INTS14: variants seen among roughly 807,000 people sequenced by gnomAD.
INTS14 encodes the protein UPF0464 protein C15orf44.
A neutral mutation model predicts 56.9 loss-of-function variants in INTS14; 27 were observed. The ratio of observed to expected loss-of-function variants is 0.47; its 90% CI spans 0.35 to 0.65. The LOEUF (loss-of-function observed/expected upper bound fraction) is 0.65. Ranked by LOEUF, INTS14 falls within the 30% of genes least tolerant of loss-of-function variation. The pLI is 0.00. For missense variants in INTS14, 517 were observed against 632.2 expected (o/e 0.82, Z 1.95); for synonymous variants, 207 against 236.2 (o/e 0.88, Z 1.13).
chr15:65,582,935 GA>G (rs1388746726), intron 10 of INTS14, among the ~76,000 whole-genome samples: 1 of 151,988 alleles, frequency 6.6e-6, no homozygotes, highest in Non-Finnish European at 1.5e-5. Flanking sequence ...ATAAGCACAG[GA>G]AAAGATGCAC....
At chr15:65,579,773 T>C in intron 11 of INTS14, 114 bp from the exon 12 acceptor site, 1 of 1,412,662 alleles carries the variant, frequency 7.1e-7, no homozygotes, top group East Asian at 2.5e-5. Context: ...AGCAATTTTA[T>C]ATGAGAACAA....
rs576585502 is a variant in INTS14, at chr15:65,598,050, C to T, written c.748+271G>A. 9.2e-5 allele frequency among the ~76,000 whole-genome samples: 14 copies of T among 152,232 alleles called. No homozygotes were observed. The South Asian group carries it at 2.1e-3, about 23-fold the overall frequency. On this transcript the variant is annotated intron_variant, in intron 6 of 11. Coordinates refer to ENST00000313182, the MANE Select transcript of INTS14 (RefSeq NM_001394796.1). ...CTATTACACATGCACGAAGCTGACA[C>T]GAAGCTCAAAGGAAATGCTCACTGG...
intron 11 of INTS14, among the ~76,000 whole-genome samples, chr15:65,581,065 G>A (rs184869424): frequency 9.2e-4 from 140 of 152,062 alleles, no homozygotes; most frequent in African/African-American, 3.0e-3. Context: ...CCAACACAGC[G>A]AAACCCCATC....
At position 65,598,865 on chromosome 15, in the gene INTS14, T is replaced by C. The variant is rs200781634; in HGVS notation, c.605+7A>G. The C allele has an allele frequency of 2.8e-5, 45 of 1,603,402 alleles. 1 individual carries two copies. The Admixed American group carries it at 3.2e-4, about 11-fold the overall frequency. Reference sequence around the variant, plus strand: ...AGAAGGCAAAAGAGCTCTAAGCATATACTCACCCAAACATAGACTGTACAT... The same window carrying C: ...AGAAGGCAAAAGAGCTCTAAGCATACACTCACCCAAACATAGACTGTACAT... On this transcript the variant is annotated splice_region_variant and intron_variant, in intron 5 of 11. Coordinates refer to ENST00000313182, the MANE Select transcript of INTS14 (RefSeq NM_001394796.1).
At chr15:65,599,962 A>C in intron 3 of INTS14, 33 bp from the exon 4 acceptor site, 1 of 1,596,574 alleles carries the variant, frequency 6.3e-7, no homozygotes, top group Admixed American at 1.8e-5. Flanking sequence ...GAGGTTGTAC[A>C]TTAAATTACA....
intron 1 of INTS14, among the ~76,000 whole-genome samples, chr15:65,610,361 G>A (rs2073856806): frequency 6.6e-6 from 1 of 152,066 alleles, no homozygotes; most frequent in African/African-American, 2.4e-5. Flanking sequence ...TCCGTCTTGG[G>A]TGGGGGGGAA....
At chr15:65,598,832 G>C (rs755849429) in intron 5 of INTS14, 40 bp downstream of exon 5, 2 of 1,442,422 alleles carry the variant, frequency 1.4e-6, no homozygotes, top group East Asian at 2.3e-5. Context: ...TATAATACTG[G>C]ATTGTAAAGA....
chr15:65,610,828 G>A (rs1015005394), intron 1 of INTS14: 6 of 1,534,330 alleles, frequency 3.9e-6, no homozygotes, highest in Non-Finnish European at 5.2e-6. Context: ...GTGGGATCTG[G>A]AAGTCTCTCT....
At chr15:65,598,004 G>A (rs1025670356) in intron 6 of INTS14, among the ~76,000 whole-genome samples, 1 of 152,086 alleles carries the variant, frequency 6.6e-6, no homozygotes, top group African/African-American at 2.4e-5. Context: ...TCTGAAATCC[G>A]AAATGCTCAA....
rs1446480492 is a variant in INTS14, at chr15:65,595,751, G to A, written c.823C>T (p.Pro275Ser). The A allele has an allele frequency of 6.2e-7, 1 of 1,609,644 alleles. No homozygotes were observed. The highest frequency in any genetic ancestry group is 8.5e-7 in the Non-Finnish European group (1 of 1,178,496). ...AACTCACCTTTGTTAAGTGCTATAG[G>A]TAAGACCAGATGTCTGGACAGAACT... ...PPVLSRHLVL[P>S]IALNKEGDEV... The change falls in exon 7 of 12, where the codon CCT becomes TCT. Residue 275 changes from proline to serine, a missense_variant. Transcript: ENST00000313182.
chr15:65,589,526 C>T (rs150185271), intron 9 of INTS14, among the ~76,000 whole-genome samples: 1 of 152,292 alleles, frequency 6.6e-6, no homozygotes, highest in African/African-American at 2.4e-5. Context: ...AAAATATACA[C>T]TAAATTATTG....
chr15:65,587,576 T>A (rs1377714517), intron 9 of INTS14, among the ~76,000 whole-genome samples: 1 of 152,134 alleles, frequency 6.6e-6, no homozygotes, highest in African/African-American at 2.4e-5. Context: ...TATAACTATA[T>A]TGGGAGGATA....
At chr15:65,586,222 G>GTTGGATA (rs2072817084) in intron 9 of INTS14, among the ~76,000 whole-genome samples, 1 of 152,184 alleles carries the variant, frequency 6.6e-6, no homozygotes, top group Non-Finnish European at 1.5e-5. Flanking sequence ...TTCCAACTAT[G>GTTGGATA]TGCAAGATAC....
chr15:65,607,473 A>G, intron 1 of INTS14, 31 bp from the exon 2 acceptor site: 2 of 1,539,550 alleles, frequency 1.3e-6, no homozygotes. Context: ...CTTACATGTC[A>G]TGGAGAGAAA....
intron 1 of INTS14, among the ~76,000 whole-genome samples, chr15:65,608,580 T>G (rs1168167099): frequency 1.3e-5 from 2 of 152,124 alleles, no homozygotes; most frequent in East Asian, 1.9e-4. Context: ...AAGCAAACTG[T>G]AGGCTACTGA....
At chr15:65,589,155 A>G (rs16948867) in intron 9 of INTS14, among the ~76,000 whole-genome samples, 32,373 of 152,160 alleles carry the variant, frequency 0.21, 3,787 homozygotes, top group African/African-American at 0.31. Flanking sequence ...AAACCATCAC[A>G]ATAGTCTAGT....
In INTS14 at chr15:65,593,433, T is replaced by C. The variant is rs372737592; in HGVS notation, c.981A>G (p.Gln327=). 48 of 1,610,062 alleles carry C rather than the reference T, an allele frequency of 3.0e-5. No homozygotes were observed. The highest frequency in any genetic ancestry group is 3.0e-5 in the Non-Finnish European group (35 of 1,178,476). ...ATGTAAACAAAGTTTCCTACCCTAA[T>C]TGAACAATCGCTACCATTCCTTCCA... is the stretch of plus-strand genomic sequence containing the variant. ...LKVEGMVAIV[Q]LGPEWHGMLY... The change falls in exon 8 of 12, where the codon CAA becomes CAG. Residue 327 remains glutamine, a synonymous_variant. Transcript: ENST00000313182.
In INTS14 at chr15:65,598,796, A is replaced by G; in HGVS notation, c.605+76T>C. On this transcript the variant is annotated intron_variant, in intron 5 of 11. Transcript: ENST00000313182. ...AAATGACACAATTAGGAACAGTAAA[A>G]CAGATAGTCTTCCTGGATGTCAAAT... The G allele has an allele frequency of 2.5e-6, 3 of 1,191,824 alleles. No individual in the cohort carries two copies. The South Asian group carries it at 4.3e-5, about 17-fold the overall frequency. The allele number at this position is 1,191,824 out of a possible 1,614,324, so 73.8% of individuals were successfully genotyped here.
intron 6 of INTS14, among the ~76,000 whole-genome samples, chr15:65,598,051 G>A (rs143538249): frequency 4.5e-4 from 69 of 152,254 alleles, no homozygotes; most frequent in Non-Finnish European, 9.0e-4. Context: ...AAGCTGACAC[G>A]AAGCTCAAAG....
Sources: allele counts gnomAD v4.1 joint callset (sites outside exome capture counted in the v4.1 genomes callset), GRCh38; gene constraint gnomAD v4.1.1; transcripts MANE v1.5; gene names NCBI Gene and HGNC (gene_info 2026-07-23, HGNC 2026-07-21).